The following TRAPPC9 variants were observed in gnomAD, a reference collection of about 807,000 sequenced individuals.
TRAPPC9 encodes IKK2 binding protein.
Under a neutral mutation model 124.0 loss-of-function variants are expected in TRAPPC9, and 83 were observed. That is an observed-to-expected ratio of 0.67 (90% CI 0.56 to 0.80). The LOEUF (loss-of-function observed/expected upper bound fraction) is 0.80. Among genes scored for constraint, TRAPPC9 ranks in the 30% least tolerant of loss-of-function variants. TRAPPC9 has a pLI of 0.00. For missense variants in TRAPPC9, 1,302 were observed against 1,508.3 expected, an observed-to-expected ratio of 0.86 and a Z score of 2.27; for synonymous variants, 638 against 617.5, an observed-to-expected ratio of 1.03 and a Z score of -0.49.
intron 16 of TRAPPC9, among the ~76,000 whole-genome samples, chr8:140,248,049 T>C (rs1224845658): frequency 6.6e-6 from 1 of 152,222 alleles, no homozygotes; most frequent in Non-Finnish European, 1.5e-5. Flanking sequence ...TCACTCTGCA[T>C]AGAGTTTGGC....
intron 21 of TRAPPC9, among the ~76,000 whole-genome samples, chr8:139,872,698 A>G (rs1365509320): frequency 2.4e-4 from 17 of 70,260 alleles, no homozygotes; most frequent in South Asian, 5.1e-4. Flanking sequence ...GTGGGTAGAC[A>G]GTTGGATAAG....
chr8:139,920,583 C>T (rs986985407), intron 19 of TRAPPC9, among the ~76,000 whole-genome samples: 2 of 152,202 alleles, frequency 1.3e-5, no homozygotes, highest in Non-Finnish European at 2.9e-5. Context: ...AGCTGGGGCT[C>T]CAACAGGGCT....
chr8:140,380,258 G>GA (rs912583321), intron 7 of TRAPPC9, among the ~76,000 whole-genome samples: 4 of 152,122 alleles, frequency 2.6e-5, no homozygotes, highest in South Asian at 2.1e-4. Flanking sequence ...CAATGGAATA[G>GA]AAAAAAAATT....
intron 14 of TRAPPC9, among the ~76,000 whole-genome samples, chr8:140,279,004 C>G (rs2065220103): frequency 6.6e-6 from 1 of 152,238 alleles, no homozygotes; most frequent in Non-Finnish European, 1.5e-5. Flanking sequence ...GCTGAATTCT[C>G]CTGCGCCATG....
intron 21 of TRAPPC9, among the ~76,000 whole-genome samples, chr8:139,813,339 A>G (rs1824574744): frequency 6.6e-6 from 1 of 152,226 alleles, no homozygotes; most frequent in Non-Finnish European, 1.5e-5. Context: ...GGGGAGCACC[A>G]GCTCAGACTC....
intron 17 of TRAPPC9, among the ~76,000 whole-genome samples, chr8:140,157,023 T>TTTCCATTCAGAAGCCTCCC (rs1563804261): frequency 1.9e-4 from 4 of 21,078 alleles, no homozygotes; most frequent in Admixed American, 1.1e-3. Flanking sequence ...GAAGCCTCCC[T>TTTCCATTCAGAAGCCTCCC]TTTCCATTCA....
At chr8:140,065,701 T>C (rs1219379245) in intron 17 of TRAPPC9, among the ~76,000 whole-genome samples, 1 of 152,228 alleles carries the variant, frequency 6.6e-6, no homozygotes, top group South Asian at 2.1e-4. Context: ...TTTTAAGCCA[T>C]CTGTTGAAAC....
At chr8:140,263,783 G>A (rs562800965) in intron 15 of TRAPPC9, among the ~76,000 whole-genome samples, 2 of 152,272 alleles carry the variant, frequency 1.3e-5, no homozygotes, top group South Asian at 2.1e-4. Context: ...ATATTATAAC[G>A]TTGACCATCA....
At chr8:140,336,070 C>CT (rs201017383) in intron 9 of TRAPPC9, among the ~76,000 whole-genome samples, 11 of 150,820 alleles carry the variant, frequency 7.3e-5, no homozygotes, top group African/African-American at 2.2e-4. Context: ...TTTTAAGAAC[C>CT]TTTTTTTTTC....
chr8:140,315,439 C>T (rs2066418824), intron 9 of TRAPPC9, among the ~76,000 whole-genome samples: 1 of 151,802 alleles, frequency 6.6e-6, no homozygotes, highest in South Asian at 2.1e-4. Context: ...TTATAAAAAG[C>T]TTATGAAAGT....
At chr8:140,119,297 T>C (rs546670158) in intron 17 of TRAPPC9, among the ~76,000 whole-genome samples, 2 of 152,320 alleles carry the variant, frequency 1.3e-5, no homozygotes, top group African/African-American at 4.8e-5. Context: ...GTGATCAGGA[T>C]GATGAATTGG....
chr8:139,772,763 TACC>T (rs1821066720), intron 21 of TRAPPC9, among the ~76,000 whole-genome samples: 1 of 152,158 alleles, frequency 6.6e-6, no homozygotes, highest in Non-Finnish European at 1.5e-5. Context: ...CCCAGTACAA[TACC>T]TTAGACATAC....
At chr8:139,779,848 CAA>C (rs1563807530) in intron 21 of TRAPPC9, among the ~76,000 whole-genome samples, 1 of 152,028 alleles carries the variant, frequency 6.6e-6, no homozygotes, top group African/African-American at 2.4e-5. Flanking sequence ...GGTTAATATA[CAA>C]AAGTCAATCG....
intron 9 of TRAPPC9, among the ~76,000 whole-genome samples, chr8:140,340,930 T>C (rs1043887585): frequency 5.9e-5 from 9 of 152,332 alleles, no homozygotes; most frequent in South Asian, 4.1e-4. Context: ...ACAATTACTA[T>C]ATATTGAGCA....
At chr8:140,037,173 CG>C (rs1840949317) in intron 17 of TRAPPC9, among the ~76,000 whole-genome samples, 1 of 152,006 alleles carries the variant, frequency 6.6e-6, no homozygotes, top group African/African-American at 2.4e-5. Context: ...GCAGGCTGCC[CG>C]GGCTCAGACC....
At chr8:139,881,589 C>A (rs1444208355) in intron 21 of TRAPPC9, among the ~76,000 whole-genome samples, 1 of 151,906 alleles carries the variant, frequency 6.6e-6, no homozygotes, top group Non-Finnish European at 1.5e-5. Flanking sequence ...TGAAGTGCTG[C>A]GTCTCAAACC....
chr8:139,804,405 AACC>A (rs1390862017), intron 21 of TRAPPC9, among the ~76,000 whole-genome samples: 2 of 44,638 alleles, frequency 4.5e-5, no homozygotes, highest in African/African-American at 1.0e-4. Flanking sequence ...CCACACACAC[AACC>A]ACCACCACCC....
chr8:140,014,293 G>A (rs868010886), intron 18 of TRAPPC9, among the ~76,000 whole-genome samples: 44 of 152,224 alleles, frequency 2.9e-4, no homozygotes, highest in Middle Eastern at 6.8e-3. Flanking sequence ...ACTCAGACAG[G>A]GATGGTCCAG....
chr8:140,355,407 G>A (rs533417536), intron 9 of TRAPPC9, among the ~76,000 whole-genome samples: 56 of 152,274 alleles, frequency 3.7e-4, no homozygotes, highest in Admixed American at 2.0e-3. Flanking sequence ...AAATCTAGCT[G>A]AGTCTGGTTG....
Sources: allele counts gnomAD v4.1 joint callset (sites outside exome capture counted in the v4.1 genomes callset), GRCh38; gene constraint gnomAD v4.1.1; transcripts MANE v1.5; gene names NCBI Gene and HGNC (gene_info 2026-07-23, HGNC 2026-07-21).